PRKCA: variants seen among roughly 807,000 people sequenced by gnomAD.
PRKCA encodes protein kinase C alpha.
PRKCA carries 27 observed loss-of-function variants against 87.0 expected under a neutral mutation model. The observed-to-expected ratio is 0.31, with a 90% CI of 0.23 to 0.43. PRKCA has a LOEUF of 0.43. Among genes scored for constraint, PRKCA ranks in the 20% least tolerant of loss-of-function variants. The pLI is 1.00. For synonymous variants in PRKCA, 329 were observed against 311.1 expected (o/e 1.06, Z -0.61); for missense variants, 518 against 852.3 (o/e 0.61, Z 4.88).
chr17:66,407,229 G>T (rs1214644675), intron 2 of PRKCA, among the ~76,000 whole-genome samples: 2 of 151,800 alleles, frequency 1.3e-5, no homozygotes, highest in African/African-American at 4.8e-5. Flanking sequence ...ACTGTGATCC[G>T]CAGTGTTGGA....
chr17:66,350,805 G>A (rs1228820893), intron 2 of PRKCA, among the ~76,000 whole-genome samples: 4 of 152,140 alleles, frequency 2.6e-5, no homozygotes, highest in East Asian at 1.9e-4. Flanking sequence ...GATTACAGAC[G>A]TGAGGCACCG....
At chr17:66,461,031 C>T (rs977156742) in intron 2 of PRKCA, among the ~76,000 whole-genome samples, 1 of 151,838 alleles carries the variant, frequency 6.6e-6, no homozygotes, top group African/African-American at 2.4e-5. Flanking sequence ...CAAGGCAAAA[C>T]CCCATCTCTA....
intron 2 of PRKCA, among the ~76,000 whole-genome samples, chr17:66,312,226 C>T (rs977053497): frequency 6.6e-6 from 1 of 152,212 alleles, no homozygotes; most frequent in Non-Finnish European, 1.5e-5. Context: ...AGGTGATCCT[C>T]CTGTTTCAGC....
At chr17:66,547,659 A>G (rs2143187034) in intron 3 of PRKCA, among the ~76,000 whole-genome samples, 2 of 152,314 alleles carry the variant, frequency 1.3e-5, no homozygotes, top group South Asian at 4.1e-4. Flanking sequence ...AAGTTACTTG[A>G]GAATCAAGAG....
At chr17:66,721,640 CTTT>C (rs2144162195) in intron 8 of PRKCA, among the ~76,000 whole-genome samples, 1 of 152,126 alleles carries the variant, frequency 6.6e-6, no homozygotes, top group South Asian at 2.1e-4. Flanking sequence ...GTGGGAGTGT[CTTT>C]TAGCATGCTA....
intron 3 of PRKCA, among the ~76,000 whole-genome samples, chr17:66,569,093 G>A (rs1209262823): frequency 6.6e-6 from 1 of 152,144 alleles, no homozygotes; most frequent in Non-Finnish European, 1.5e-5. Context: ...AAATGACAGA[G>A]AACATGTTTA....
At chr17:66,442,265 C>T (rs1360815897) in intron 2 of PRKCA, among the ~76,000 whole-genome samples, 1 of 151,514 alleles carries the variant, frequency 6.6e-6, no homozygotes, top group Non-Finnish European at 1.5e-5. Flanking sequence ...TCATACTGGC[C>T]AGGCTGGTCT....
chr17:66,801,719 A>G (rs1021018403), intron 16 of PRKCA, among the ~76,000 whole-genome samples: 2 of 152,184 alleles, frequency 1.3e-5, no homozygotes, highest in African/African-American at 4.8e-5. Flanking sequence ...GTGAGAGTGG[A>G]AGCTTTGCCA....
At chr17:66,669,623 G>A (rs1247066861) in intron 5 of PRKCA, among the ~76,000 whole-genome samples, 1 of 152,182 alleles carries the variant, frequency 6.6e-6, no homozygotes, top group African/African-American at 2.4e-5. Context: ...TTCTGGGCTG[G>A]GTGCGGTGGC....
In PRKCA at chr17:66,587,934, C is replaced by T. The variant is rs945697751; in HGVS notation, c.289-53421C>T. 8.8e-4 allele frequency among the ~76,000 whole-genome samples: 74 copies of T among 84,546 alleles called. 1 individual carries two copies. The highest frequency in any genetic ancestry group is 2.4e-3 in the South Asian group (5 of 2,082). The allele number at this position is 84,546 out of a possible 152,430, so 55.5% of individuals were successfully genotyped here. On this transcript the variant is annotated intron_variant, in intron 3 of 16. Coordinates refer to ENST00000413366, the MANE Select transcript of PRKCA (RefSeq NM_002737.3). ...ATATATATATATATATATATATATC[C>T]TGCAGTAGCTCTTCTTGTGAGATTC...
chr17:66,541,166 A>C (rs2143130873), intron 3 of PRKCA, among the ~76,000 whole-genome samples: 1 of 152,304 alleles, frequency 6.6e-6, no homozygotes, highest in Admixed American at 6.5e-5. Context: ...AGTTTGAACA[A>C]AGATGTGACC....
At chr17:66,615,522 A>T (rs765556521) in intron 3 of PRKCA, among the ~76,000 whole-genome samples, 1 of 152,180 alleles carries the variant, frequency 6.6e-6, no homozygotes, top group Non-Finnish European at 1.5e-5. Context: ...GAAACAACTC[A>T]TTCATAGGCA....
chr17:66,307,189 C>T (rs1904859990), intron 2 of PRKCA, among the ~76,000 whole-genome samples: 2 of 152,246 alleles, frequency 1.3e-5, no homozygotes, highest in Middle Eastern at 3.4e-3. Flanking sequence ...ATTCTACCTT[C>T]CTTTCTCCAA....
chr17:66,640,585 G>A (rs970801866), intron 3 of PRKCA, among the ~76,000 whole-genome samples: 3 of 151,962 alleles, frequency 2.0e-5, no homozygotes, highest in Non-Finnish European at 4.4e-5. Context: ...ATCTGGTTTC[G>A]CAGTGTATTG....
chr17:66,730,543 T>C (rs1462876967), intron 8 of PRKCA, among the ~76,000 whole-genome samples: 2 of 152,290 alleles, frequency 1.3e-5, no homozygotes, highest in Non-Finnish European at 2.9e-5. Flanking sequence ...TTTCACACCA[T>C]GTAGGGTAAC....
intron 3 of PRKCA, among the ~76,000 whole-genome samples, chr17:66,572,688 G>T (rs1233512833): frequency 5.9e-5 from 9 of 151,978 alleles, no homozygotes; most frequent in Non-Finnish European, 1.0e-4. Context: ...GTAGAGATGG[G>T]CTCTTGCCAC....
At position 66,388,693 on chromosome 17, in the gene PRKCA, G is replaced by A. The variant is rs768979010; in HGVS notation, c.205+82566G>A. Among the ~76,000 whole-genome samples, 6 of 152,172 alleles carry A rather than the reference G, an allele frequency of 3.9e-5. No individual in the cohort carries two copies. The East Asian group carries it at 7.7e-4, about 20-fold the overall frequency. ...TATACATGATGTACTTACCAAACAC[G>A]TGCATGCAAGTTTAGGGGTTCACAG... On this transcript the variant is annotated intron_variant, in intron 2 of 16. Coordinates refer to ENST00000413366, the MANE Select transcript of PRKCA (RefSeq NM_002737.3).
intron 3 of PRKCA, among the ~76,000 whole-genome samples, chr17:66,593,504 G>T (rs1330254512): frequency 1.3e-5 from 2 of 152,190 alleles, no homozygotes; most frequent in Non-Finnish European, 2.9e-5. Flanking sequence ...CTGCAAGAGA[G>T]GCAGGCAAAT....
In PRKCA at chr17:66,307,534, A is replaced by G. The variant is rs111774005; in HGVS notation, c.205+1407A>G. Among the ~76,000 whole-genome samples the G allele has an allele frequency of 3.4e-3, 519 of 152,268 alleles. 1 individual carries two copies. Among genetic ancestry groups the G allele is most frequent in the African/African-American group, 0.012 (495 of 41,572 alleles). ...AATTTTTGTACTGAATCTTCTCCAT[A>G]CTGCTTGTCTGGGAGAAAGTGGTTG... On this transcript the variant is annotated intron_variant, in intron 2 of 16. Coordinates refer to ENST00000413366, the MANE Select transcript of PRKCA (RefSeq NM_002737.3).
Sources: gnomAD v4.1 joint callset for allele counts (sites outside exome capture counted in the v4.1 genomes callset) on GRCh38, gnomAD v4.1.1 for gene constraint, MANE v1.5 for transcripts, NCBI Gene and HGNC (gene_info 2026-07-23, HGNC 2026-07-21) for gene names.